Variants in AATF observed in about 807,000 individuals in gnomAD.
The protein encoded by AATF is protein AATF.
In AATF, 48 loss-of-function variants were observed where a neutral mutation model predicts 63.7. That is an observed-to-expected ratio of 0.75 (90% CI 0.60 to 0.96). The LOEUF (loss-of-function observed/expected upper bound fraction) is 0.96. AATF is among the 40% of genes least tolerant of loss of function. The pLI is 0.00. For missense variants in AATF, 639 were observed against 685.7 expected (o/e 0.93, Z 0.76); for synonymous variants, 258 against 247.7 (o/e 1.04, Z -0.39).
intron 8 of AATF, among the ~76,000 whole-genome samples, chr17:37,001,340 AGAGG>A (rs1183576709): frequency 7.3e-6 from 1 of 137,868 alleles, no homozygotes; most frequent in East Asian, 2.5e-4. Flanking sequence ...GAGAAAGGAG[AGAGG>A]GAGGGAGGAA....
At chr17:37,027,839 A>G (rs373489745) in intron 10 of AATF, among the ~76,000 whole-genome samples, 4 of 152,168 alleles carry the variant, frequency 2.6e-5, no homozygotes, top group South Asian at 4.1e-4. Context: ...GCATAACACA[A>G]CTGTAGGGTA....
At chr17:37,051,693 G>GACACACACAC (rs1181449819) in intron 11 of AATF, among the ~76,000 whole-genome samples, 156 of 141,016 alleles carry the variant, frequency 1.1e-3, no homozygotes, top group African/African-American at 2.3e-3. Context: ...CAGACAGACA[G>GACACACACAC]ACAGACACAC....
intron 11 of AATF, among the ~76,000 whole-genome samples, chr17:37,041,804 C>T (rs369484959): frequency 7.5e-4 from 114 of 152,234 alleles, no homozygotes; most frequent in Admixed American, 1.6e-3. Context: ...CACACCCGGC[C>T]GGGAGAGCCA....
At chr17:37,005,615 CAT>C (rs2071335751) in intron 8 of AATF, among the ~76,000 whole-genome samples, 1 of 152,102 alleles carries the variant, frequency 6.6e-6, no homozygotes. Flanking sequence ...ACACAAATGA[CAT>C]ATAGTAAAAG....
At chr17:37,008,681 TAGAG>T (rs1256580680) in intron 8 of AATF, among the ~76,000 whole-genome samples, 15 of 152,036 alleles carry the variant, frequency 9.9e-5, no homozygotes, top group African/African-American at 2.7e-4. Flanking sequence ...CACGGCAACA[TAGAG>T]AGACCCCATC....
At chr17:36,957,554 G>A (rs753400304) in intron 4 of AATF, among the ~76,000 whole-genome samples, 11 of 152,120 alleles carry the variant, frequency 7.2e-5, no homozygotes, top group Non-Finnish European at 1.6e-4. Context: ...GGCCTCTTAC[G>A]ACGCTATGGA....
intron 4 of AATF, among the ~76,000 whole-genome samples, chr17:36,973,083 A>G (rs9944447): frequency 0.27 from 41,337 of 152,052 alleles, 8,065 homozygotes; most frequent in African/African-American, 0.56. Flanking sequence ...CTCAGTTGTA[A>G]GGGCAATTGC....
chr17:37,014,770 A>C (rs1364832721), intron 8 of AATF, among the ~76,000 whole-genome samples: 3 of 152,134 alleles, frequency 2.0e-5, no homozygotes, highest in African/African-American at 4.8e-5. Context: ...GACTTTCTGG[A>C]TTATCCTCTA....
chr17:36,970,091 A>G (rs1231078722), intron 4 of AATF, among the ~76,000 whole-genome samples: 1 of 152,196 alleles, frequency 6.6e-6, no homozygotes, highest in Non-Finnish European at 1.5e-5. Flanking sequence ...ACATTTGTAT[A>G]GATGTTTTTA....
chr17:36,976,212 G>A (rs541162079), intron 4 of AATF, among the ~76,000 whole-genome samples: 1 of 152,180 alleles, frequency 6.6e-6, no homozygotes, highest in Non-Finnish European at 1.5e-5. Flanking sequence ...ACCCTCAAGG[G>A]TACATTGATC....
At chr17:36,988,360 T>A (rs1228061002) in intron 5 of AATF, among the ~76,000 whole-genome samples, 159 bp from the exon 6 acceptor site, 1 of 152,172 alleles carries the variant, frequency 6.6e-6, no homozygotes, top group Non-Finnish European at 1.5e-5. Context: ...TGAATATTCT[T>A]CTCAAAGAGC....
At chr17:36,977,120 T>C (rs963211314) in intron 4 of AATF, among the ~76,000 whole-genome samples, 3 of 152,216 alleles carry the variant, frequency 2.0e-5, no homozygotes, top group African/African-American at 7.2e-5. Context: ...TGTCAGCATT[T>C]AGATTTGGAA....
chr17:36,978,034 T>C (rs927414385), intron 4 of AATF, among the ~76,000 whole-genome samples: 1 of 152,164 alleles, frequency 6.6e-6, no homozygotes, highest in Non-Finnish European at 1.5e-5. Context: ...TATAAATTCA[T>C]GCCTGGTCAG....
intron 2 of AATF, among the ~76,000 whole-genome samples, chr17:36,950,645 A>G (rs1378264772): frequency 6.6e-6 from 1 of 152,132 alleles, no homozygotes; most frequent in African/African-American, 2.4e-5. Flanking sequence ...GATTACAGGC[A>G]TGCACCACCA....
chr17:37,043,616 G>T (rs181724269), intron 11 of AATF, among the ~76,000 whole-genome samples: 42 of 152,220 alleles, frequency 2.8e-4, no homozygotes, highest in Admixed American at 7.2e-4. Flanking sequence ...TGGTATTATC[G>T]AGATTTTATG....
intron 5 of AATF, 31 bp downstream of exon 5, chr17:36,986,762 T>C (rs1162838995): frequency 6.5e-7 from 1 of 1,543,770 alleles, no homozygotes; most frequent in South Asian, 1.1e-5. Flanking sequence ...AGTTGCTTAT[T>C]TTCTTTTCAT....
At position 36,949,017 on chromosome 17, in the gene AATF, C is replaced by G. The variant is rs1021590134; in HGVS notation, c.-109C>G. On this transcript the variant is annotated 5_prime_UTR_variant, in exon 1 of 12. Coordinates refer to ENST00000619387, the MANE Select transcript of AATF (RefSeq NM_012138.4). ...GCCTCCGCGCGGTCTCTGGCGGAGT[C>G]GGGGAATCGGATCAAGGCGAGAGGA... 16 of 1,071,352 alleles carry G rather than the reference C, an allele frequency of 1.5e-5. No individual in the cohort carries two copies. Among genetic ancestry groups the G allele is most frequent in the Admixed American group, 2.2e-5 (1 of 45,578 alleles). 66.4% of individuals were successfully genotyped at this position (1,071,352 alleles called of 1,614,324 possible).
At chr17:36,987,628 G>A (rs2071179475) in intron 5 of AATF, among the ~76,000 whole-genome samples, 1 of 152,310 alleles carries the variant, frequency 6.6e-6, no homozygotes, top group African/African-American at 2.4e-5. Flanking sequence ...ATATGTTGAG[G>A]TCAGTAATCC....
chr17:36,949,018 G>A lies in AATF; in HGVS notation c.-108G>A, dbSNP rs968701451. 9.3e-7 allele frequency: 1 copy of A among 1,078,656 alleles called. No individual in the cohort carries two copies. The highest frequency in any genetic ancestry group is 1.3e-6 in the Non-Finnish European group (1 of 747,200). The allele number at this position is 1,078,656 out of a possible 1,614,324, so 66.8% of individuals were successfully genotyped here. ...CCTCCGCGCGGTCTCTGGCGGAGTC[G>A]GGGAATCGGATCAAGGCGAGAGGAT... On this transcript the variant is annotated 5_prime_UTR_variant, in exon 1 of 12. Transcript: ENST00000619387.
Sources: gnomAD v4.1 joint callset for allele counts (sites outside exome capture counted in the v4.1 genomes callset) on GRCh38, gnomAD v4.1.1 for gene constraint, MANE v1.5 for transcripts, NCBI Gene and HGNC (gene_info 2026-07-23, HGNC 2026-07-21) for gene names.